Variants in TMEM163 observed in about 807,000 individuals in gnomAD.
TMEM163 encodes the protein transmembrane protein 163.
A neutral mutation model predicts 29.3 loss-of-function variants in TMEM163; 17 were observed. The ratio of observed to expected loss-of-function variants is 0.58; its 90% CI spans 0.40 to 0.87. The LOEUF (loss-of-function observed/expected upper bound fraction) is 0.87, where lower values mean the gene tolerates loss of function less well. TMEM163 is among the 40% of genes least tolerant of loss of function. The probability of loss-of-function intolerance (pLI) is 0.00; values close to 1 mark genes in which losing one functional copy is unlikely to be tolerated. For synonymous variants in TMEM163, 157 were observed against 160.6 expected (o/e 0.98, Z 0.17); for missense variants, 303 against 381.5 (o/e 0.79, Z 1.71).
At chr2:134,686,043 A>T (rs1329383540) in intron 2 of TMEM163, among the ~76,000 whole-genome samples, 1 of 152,208 alleles carries the variant, frequency 6.6e-6, no homozygotes, top group African/African-American at 2.4e-5. Flanking sequence ...TGGCTGCCAC[A>T]GGTCCTGGTG....
At chr2:134,634,214 G>A (rs933642211) in intron 2 of TMEM163, among the ~76,000 whole-genome samples, 3 of 151,866 alleles carry the variant, frequency 2.0e-5, no homozygotes, top group African/African-American at 7.3e-5. Context: ...GCTTGGTTTT[G>A]ATGAGGCAGT....
At chr2:134,572,986 G>A (rs1681467460) in intron 2 of TMEM163, among the ~76,000 whole-genome samples, 1 of 152,186 alleles carries the variant, frequency 6.6e-6, no homozygotes, top group African/African-American at 2.4e-5. Context: ...ACATGCCTGG[G>A]ACATCTTGCC....
chr2:134,550,985 A>G (rs1368724499), intron 3 of TMEM163, among the ~76,000 whole-genome samples: 1 of 152,210 alleles, frequency 6.6e-6, no homozygotes, highest in African/African-American at 2.4e-5. Flanking sequence ...TAATTGCAGT[A>G]GTTTCCTGCA....
At chr2:134,674,978 G>C (rs1238516958) in intron 2 of TMEM163, among the ~76,000 whole-genome samples, 1 of 152,086 alleles carries the variant, frequency 6.6e-6, no homozygotes. Flanking sequence ...CCCTGAATAC[G>C]TACATAATTT....
intron 2 of TMEM163, among the ~76,000 whole-genome samples, chr2:134,613,599 CAT>C (rs1166755616): frequency 1.3e-5 from 2 of 152,038 alleles, no homozygotes; most frequent in Non-Finnish European, 2.9e-5. Flanking sequence ...AGTGGAATGA[CAT>C]ATTCAAGGTG....
At chr2:134,677,373 T>C (rs950674879) in intron 2 of TMEM163, among the ~76,000 whole-genome samples, 2 of 152,162 alleles carry the variant, frequency 1.3e-5, no homozygotes, top group Admixed American at 6.5e-5. Context: ...AAAAAGCTTA[T>C]GCAATCCACA....
chr2:134,632,202 C>CA (rs964181940), intron 2 of TMEM163, among the ~76,000 whole-genome samples: 2 of 152,110 alleles, frequency 1.3e-5, no homozygotes, highest in African/African-American at 4.8e-5. Flanking sequence ...GTGACTTACC[C>CA]AATTGCCTGG....
At chr2:134,675,708 A>T (rs1166048868) in intron 2 of TMEM163, among the ~76,000 whole-genome samples, 1 of 152,226 alleles carries the variant, frequency 6.6e-6, no homozygotes, top group East Asian at 1.9e-4. Context: ...TGCAAATTTC[A>T]TCCAGAGCTC....
intron 2 of TMEM163, among the ~76,000 whole-genome samples, chr2:134,554,828 C>G (rs1681015240): frequency 2.0e-5 from 3 of 152,122 alleles, no homozygotes; most frequent in Non-Finnish European, 4.4e-5. Flanking sequence ...ACCTAGAGCA[C>G]AAGTGGAATA....
At chr2:134,573,713 C>T (rs1681486012) in intron 2 of TMEM163, among the ~76,000 whole-genome samples, 1 of 152,194 alleles carries the variant, frequency 6.6e-6, no homozygotes, top group Non-Finnish European at 1.5e-5. Flanking sequence ...GAAAACAGAA[C>T]TAAAAAACAC....
chr2:134,700,622 G>A (rs1452863234), intron 2 of TMEM163, among the ~76,000 whole-genome samples: 1 of 152,194 alleles, frequency 6.6e-6, no homozygotes, highest in Non-Finnish European at 1.5e-5. Context: ...AATCCAGCCA[G>A]GCACGGTGGC....
intron 5 of TMEM163, among the ~76,000 whole-genome samples, chr2:134,476,886 T>A (rs530035325): frequency 6.6e-6 from 1 of 152,348 alleles, no homozygotes; most frequent in East Asian, 1.9e-4. Flanking sequence ...ATCACTGCCA[T>A]GCCTCATGTT....
At chr2:134,701,035 G>T (rs916361357) in intron 2 of TMEM163, among the ~76,000 whole-genome samples, 1 of 151,612 alleles carries the variant, frequency 6.6e-6, no homozygotes, top group Non-Finnish European at 1.5e-5. Flanking sequence ...AGATGCATGG[G>T]GCATAGAGAC....
Position 134,635,743 on chromosome 2 carries a change from T to C in TMEM163, c.322+77457A>G, listed in dbSNP as rs1391540457. 3.3e-5 allele frequency among the ~76,000 whole-genome samples: 5 copies of C among 152,056 alleles called. No individual in the cohort carries two copies. The East Asian group carries it at 9.7e-4, about 29-fold the overall frequency. On this transcript the variant is annotated intron_variant, in intron 2 of 7. Transcript: ENST00000281924. ...TCAGAGAGCAGAGGGTGAGTACTTG[T>C]AGCCAGGAGCAAGGAAAAATGAACA... is the stretch of plus-strand genomic sequence containing the variant.
At chr2:134,554,520 G>A (rs1044889289) in intron 2 of TMEM163, among the ~76,000 whole-genome samples, 2 of 151,420 alleles carry the variant, frequency 1.3e-5, no homozygotes, top group Non-Finnish European at 2.9e-5. Flanking sequence ...GAGCACCATG[G>A]AAAAGGCACA....
chr2:134,661,929 C>CT lies in TMEM163; in HGVS notation c.322+51270dup, dbSNP rs1328565759. On this transcript the variant is annotated intron_variant, in intron 2 of 7. Transcript: ENST00000281924. ...TTTCATGGATTCATTAATTTTCTTT[C>CT]TTTTTTTTTTTTTTTTTTTTGAGAT... 9.5e-4 allele frequency among the ~76,000 whole-genome samples: 115 copies of CT among 121,254 alleles called. 1 individual carries two copies. In the East Asian group the frequency reaches 0.013, roughly 14 times the overall value. The allele number at this position is 121,254 out of a possible 152,430, so 79.5% of individuals were successfully genotyped here. A position where few individuals can be genotyped will look rare whatever the true frequency, so the allele number is the denominator to read the frequency against.
chr2:134,700,513 A>G (rs1684676334), intron 2 of TMEM163, among the ~76,000 whole-genome samples: 1 of 152,122 alleles, frequency 6.6e-6, no homozygotes, highest in Non-Finnish European at 1.5e-5. Context: ...TGTTCTTCTG[A>G]CACTTCCAGG....
chr2:134,522,100 C>T (rs1274497913), intron 4 of TMEM163, among the ~76,000 whole-genome samples: 4 of 151,970 alleles, frequency 2.6e-5, no homozygotes, highest in Non-Finnish European at 5.9e-5. Context: ...ATCCTAGATC[C>T]GTGGAGAATT....
chr2:134,549,513 AT>A (rs1490728143), intron 4 of TMEM163, among the ~76,000 whole-genome samples: 1 of 152,028 alleles, frequency 6.6e-6, no homozygotes, highest in Non-Finnish European at 1.5e-5. Flanking sequence ...CACGCAGCTA[AT>A]TTTTGTTTTT....
Sources: allele counts gnomAD v4.1 joint callset (sites outside exome capture counted in the v4.1 genomes callset), GRCh38; gene constraint gnomAD v4.1.1; transcripts MANE v1.5; gene names NCBI Gene and HGNC (gene_info 2026-07-23, HGNC 2026-07-21).